ZNF705G: variants seen among roughly 807,000 people sequenced by gnomAD.
ZNF705G encodes the protein zinc finger protein 705G.
In ZNF705G, 23 loss-of-function variants were observed where a neutral mutation model predicts 19.6. That is an observed-to-expected ratio of 1.17 (90% CI 0.84 to 1.66). ZNF705G has a LOEUF of 1.66. ZNF705G is among the 40% of genes most tolerant of loss of function. ZNF705G has a pLI of 0.00. For missense variants in ZNF705G, 457 were observed against 354.4 expected, an observed-to-expected ratio of 1.29 and a Z score of -2.32; for synonymous variants, 146 against 117.7, an observed-to-expected ratio of 1.24 and a Z score of -1.56.
At chr8:7,359,030 TG>T (rs1302438518) in intron 6 of ZNF705G, among the ~76,000 whole-genome samples, 2 of 149,812 alleles carry the variant, frequency 1.3e-5, no homozygotes, top group East Asian at 3.9e-4. Context: ...CTGCCTCATT[TG>T]TTTATGTCAT....
In ZNF705G at chr8:7,358,786, G is replaced by C. The variant is rs1206537818; in HGVS notation, c.319-226C>G. The stretch of plus-strand genomic sequence containing the variant: ...TCACACAAACCTGCCTCCCCCTTCT[G>C]GTTCCTAAATAATATGGCTACAAGA... On this transcript the variant is annotated intron_variant, in intron 6 of 6. Coordinates refer to ENST00000400156, the MANE Select transcript of ZNF705G (RefSeq NM_001164457.3). Among the ~76,000 whole-genome samples, 7 of 149,234 alleles carry C rather than the reference G, an allele frequency of 4.7e-5. 1 individual carries two copies. The highest frequency in any genetic ancestry group is 3.2e-3 in the Middle Eastern group (1 of 314).
At chr8:7,359,791 A>T in intron 5 of ZNF705G, 90 bp from the exon 6 acceptor site, 1 of 1,578,288 alleles carries the variant, frequency 6.3e-7, no homozygotes, top group South Asian at 1.1e-5. Context: ...TTTTTCAAAA[A>T]TTGACACGTA....
rs575316492 is a variant in ZNF705G at position 7,356,656 on chromosome 8, T to C, written c.*1320A>G. ...CGTTGAAGTAAAGGGAGGTGAGCTG[T>C]GAGGAAAGAGCTGTTGAAGACTGGG... On this transcript the variant is annotated 3_prime_UTR_variant, in exon 7 of 7. Coordinates refer to ENST00000400156, the MANE Select transcript of ZNF705G (RefSeq NM_001164457.3). The C allele has an allele frequency of 6.7e-6, 1 of 149,584 alleles. No homozygotes were observed. The highest frequency in any genetic ancestry group is 1.9e-4 in the East Asian group (1 of 5,174). The allele number at this position is 149,584 out of a possible 1,614,324, so 9.3% of individuals were successfully genotyped here.
chr8:7,364,124 C>G (rs1016467639), intron 2 of ZNF705G, among the ~76,000 whole-genome samples: 1 of 149,488 alleles, frequency 6.7e-6, no homozygotes, highest in South Asian at 2.1e-4. Flanking sequence ...TGCAATATCT[C>G]TGATTATCAT....
chr8:7,380,427 G>T (rs187253618), intron 2 of ZNF705G, among the ~76,000 whole-genome samples: 76 of 147,590 alleles, frequency 5.1e-4, no homozygotes, highest in Non-Finnish European at 7.4e-4. Flanking sequence ...TGTGCACATT[G>T]TCTGGGAGCC....
At chr8:7,369,888 G>A (rs1464029122) in intron 2 of ZNF705G, among the ~76,000 whole-genome samples, 6 of 149,120 alleles carry the variant, frequency 4.0e-5, no homozygotes, top group Non-Finnish European at 8.8e-5. Context: ...AACTACTAGA[G>A]GGGGAAGGGA....
intron 6 of ZNF705G, 31 bp downstream of exon 6, chr8:7,359,588 G>T (rs756332375): frequency 1.9e-6 from 3 of 1,603,218 alleles, no homozygotes; most frequent in South Asian, 2.2e-5. Flanking sequence ...CTTTAACTTA[G>T]ATGACTGGTG....
intron 2 of ZNF705G, among the ~76,000 whole-genome samples, chr8:7,379,453 TG>T (rs1409048727): frequency 1.4e-5 from 2 of 147,020 alleles, no homozygotes; most frequent in Non-Finnish European, 2.9e-5. Context: ...GTCTTCAAGA[TG>T]GCTGACTAGA....
intron 2 of ZNF705G, among the ~76,000 whole-genome samples, chr8:7,364,181 C>G (rs2128838509): frequency 6.7e-6 from 1 of 149,610 alleles, no homozygotes; most frequent in South Asian, 2.1e-4. Flanking sequence ...TACATTCGTA[C>G]ATAGATATGT....
intron 2 of ZNF705G, among the ~76,000 whole-genome samples, chr8:7,363,862 G>A (rs1371000208): frequency 6.7e-6 from 1 of 149,172 alleles, no homozygotes; most frequent in Non-Finnish European, 1.5e-5. Context: ...ATCAATTGAG[G>A]GATTTATTTC....
At position 7,362,812 on chromosome 8, in the gene ZNF705G, A is replaced by G. The variant is rs1806666753; in HGVS notation, c.12+123T>C. 3 of 1,582,930 alleles carry G rather than the reference A, an allele frequency of 1.9e-6. No individual in the cohort carries two copies. In the African/African-American group the frequency reaches 4.3e-5, roughly 23 times the overall value. On this transcript the variant is annotated intron_variant, in intron 3 of 6. Transcript: ENST00000400156. ...GGAACACCCAGGCAGGGTGGATTTT[A>G]CATCATAAAAACAAACAAACAAAAA...
chr8:7,367,787 G>A (rs1393694401), intron 2 of ZNF705G, among the ~76,000 whole-genome samples: 2 of 149,782 alleles, frequency 1.3e-5, no homozygotes, highest in South Asian at 2.1e-4. Context: ...TCCACTGTAT[G>A]CCCTTCGGTC....
chr8:7,374,310 T>TG (rs1403367072), intron 2 of ZNF705G, among the ~76,000 whole-genome samples: 59 of 154 alleles, frequency 0.38, no homozygotes, highest in African/African-American at 0.39. Flanking sequence ...ATGGGTTTGA[T>TG]TTTTTTAATC....
chr8:7,368,528 G>C (rs1219376367), intron 2 of ZNF705G, among the ~76,000 whole-genome samples: 2 of 149,592 alleles, frequency 1.3e-5, no homozygotes, highest in Non-Finnish European at 2.9e-5. Context: ...CAGAAATGAA[G>C]TCAGGAAGTA....
intron 2 of ZNF705G, among the ~76,000 whole-genome samples, chr8:7,364,879 C>CA (rs1437269547): frequency 1.9e-4 from 29 of 149,404 alleles, no homozygotes; most frequent in Admixed American, 6.6e-4. Context: ...GCTATTCCTT[C>CA]AAAAAAATAA....
intron 2 of ZNF705G, among the ~76,000 whole-genome samples, chr8:7,376,470 A>G (rs1563300374): frequency 8.8e-6 from 1 of 114,252 alleles, no homozygotes; most frequent in Non-Finnish European, 1.8e-5. Flanking sequence ...TGTTACATAC[A>G]AAGACTGCTC....
chr8:7,380,578 T>C (rs548017045), intron 2 of ZNF705G, among the ~76,000 whole-genome samples: 2 of 147,138 alleles, frequency 1.4e-5, no homozygotes, highest in Non-Finnish European at 2.9e-5. Flanking sequence ...AGGACTACTC[T>C]GTCCATCATG....
At chr8:7,376,592 T>C in intron 2 of ZNF705G, among the ~76,000 whole-genome samples, 1 of 139,016 alleles carries the variant, frequency 7.2e-6, no homozygotes, top group Non-Finnish European at 1.5e-5. Context: ...ACAAGTATAG[T>C]TTTTGAGCCT....
intron 1 of ZNF705G, among the ~76,000 whole-genome samples, 169 bp from the exon 2 acceptor site, chr8:7,381,770 A>T (rs1408224121): frequency 1.3e-5 from 2 of 149,222 alleles, no homozygotes; most frequent in African/African-American, 2.6e-5. Flanking sequence ...TTGGGTTAAA[A>T]AACTACCTAT....
Sources: allele counts gnomAD v4.1 joint callset (sites outside exome capture counted in the v4.1 genomes callset), GRCh38; gene constraint gnomAD v4.1.1; transcripts MANE v1.5; gene names NCBI Gene and HGNC (gene_info 2026-07-23, HGNC 2026-07-21).